The following C8orf89 variants were observed in gnomAD, a reference collection of about 807,000 sequenced individuals.
The protein encoded by C8orf89 is putative uncharacterized protein C8orf89.
C8orf89 carries 14 observed loss-of-function variants against 15.8 expected under a neutral mutation model. The ratio of observed to expected loss-of-function variants is 0.89; its 90% CI spans 0.59 to 1.39. The LOEUF (loss-of-function observed/expected upper bound fraction) is 1.39. C8orf89 is among the 40% of genes most tolerant of loss of function. C8orf89 has a pLI of 0.00. For missense variants in C8orf89, 181 were observed against 184.5 expected (o/e 0.98, Z 0.11); for synonymous variants, 55 against 62.2 (o/e 0.88, Z 0.54).
At chr8:73,271,278 T>TGGTGTTGGGAGGTGAGGCCTAGTGGGA in the C8orf89 span, among the ~76,000 whole-genome samples, 1 of 152,112 alleles carries the variant, frequency 6.6e-6, no homozygotes, top group Non-Finnish European at 1.5e-5. Flanking sequence ...CCCAGTGTGG[T>TGGTGTTGGGAGGTGAGGCCTAGTGGGA]GGTGTTGGGA....
intron 1 of C8orf89, among the ~76,000 whole-genome samples, chr8:73,258,270 G>A (rs746929793): frequency 1.1e-4 from 17 of 151,914 alleles, no homozygotes; most frequent in Admixed American, 2.0e-4. Flanking sequence ...AATCTGCTGC[G>A]CATGGCAGTG....
At chr8:73,256,726 C>CAAAAAAAAA (rs11288188) in intron 2 of C8orf89, among the ~76,000 whole-genome samples, 39 of 43,700 alleles carry the variant, frequency 8.9e-4, no homozygotes, top group African/African-American at 3.1e-3. Flanking sequence ...GACTCTGTCT[C>CAAAAAAAAA]AAAAAAAAAA....
intron 3 of C8orf89, among the ~76,000 whole-genome samples, chr8:73,242,272 A>G (rs1813023860): frequency 6.6e-6 from 1 of 152,176 alleles, no homozygotes; most frequent in Non-Finnish European, 1.5e-5. Context: ...CAACCAGAAT[A>G]TATAAGGAGC....
the C8orf89 span, among the ~76,000 whole-genome samples, chr8:73,283,142 A>C: frequency 6.6e-6 from 1 of 152,234 alleles, no homozygotes; most frequent in Non-Finnish European, 1.5e-5. Flanking sequence ...GATTTCCTTA[A>C]AATATATGCA....
chr8:73,276,334 G>A, the C8orf89 span, among the ~76,000 whole-genome samples: 2 of 151,676 alleles, frequency 1.3e-5, no homozygotes, highest in East Asian at 1.9e-4. Flanking sequence ...ATGCCACCAC[G>A]CCCTGCTAAT....
chr8:73,269,584 C>T, the C8orf89 span, among the ~76,000 whole-genome samples: 86 of 152,280 alleles, frequency 5.6e-4, no homozygotes, highest in Admixed American at 3.1e-3. Context: ...TCTGGGCTGC[C>T]TCAGGATAAA....
chr8:73,258,374 G>A (rs1201357070), intron 1 of C8orf89, among the ~76,000 whole-genome samples: 2 of 129,370 alleles, frequency 1.5e-5, no homozygotes, highest in Non-Finnish European at 3.1e-5. Context: ...TCACACCACT[G>A]CACTCCAGCC....
the C8orf89 span, among the ~76,000 whole-genome samples, chr8:73,277,182 G>T: frequency 6.6e-6 from 1 of 152,074 alleles, no homozygotes; most frequent in Non-Finnish European, 1.5e-5. Context: ...ATTTTTGTCA[G>T]TTGGGGCTAT....
the C8orf89 span, among the ~76,000 whole-genome samples, chr8:73,285,377 T>A: frequency 6.6e-6 from 1 of 152,194 alleles, no homozygotes; most frequent in South Asian, 2.1e-4. Context: ...CCTAGTAGCC[T>A]TCCTCAGGTC....
the C8orf89 span, chr8:73,277,737 G>C: frequency 1.3e-6 from 1 of 745,800 alleles, no homozygotes; most frequent in South Asian, 1.3e-5. Context: ...CACCCAGCTC[G>C]TCCACATGGG....
the C8orf89 span, chr8:73,277,668 A>G: frequency 1.3e-6 from 1 of 756,350 alleles, no homozygotes; most frequent in Non-Finnish European, 2.5e-6. Flanking sequence ...TTTTAAAATA[A>G]GGCTGGAAAT....
upstream of C8orf89, among the ~76,000 whole-genome samples, chr8:73,263,654 T>A (rs1428987790): frequency 6.6e-6 from 1 of 152,192 alleles, no homozygotes; most frequent in Non-Finnish European, 1.5e-5. Flanking sequence ...CTTAGCAAAA[T>A]GTATTGAACA....
chr8:73,257,989 A>G (rs1027637289), intron 1 of C8orf89, among the ~76,000 whole-genome samples: 3 of 152,202 alleles, frequency 2.0e-5, no homozygotes, highest in Non-Finnish European at 4.4e-5. Context: ...TTTGGGGGGT[A>G]GAAGGGTGGA....
At chr8:73,260,465 G>A (rs1005563199), upstream of C8orf89, among the ~76,000 whole-genome samples, 45 of 152,052 alleles carry the variant, frequency 3.0e-4, no homozygotes, top group African/African-American at 8.2e-4. Flanking sequence ...CAGCACACCA[G>A]CATGGCACAT....
intron 2 of C8orf89, among the ~76,000 whole-genome samples, chr8:73,254,990 T>C (rs1202997836): frequency 6.6e-6 from 1 of 152,118 alleles, no homozygotes; most frequent in Non-Finnish European, 1.5e-5. Context: ...AAGACTTAAA[T>C]GTTAGACCTA....
chr8:73,246,137 G>A (rs1357961736), intron 3 of C8orf89, among the ~76,000 whole-genome samples: 1 of 152,186 alleles, frequency 6.6e-6, no homozygotes, highest in African/African-American at 2.4e-5. Flanking sequence ...TCTAAATTGG[G>A]TGTATTTCAG....
Position 73,259,355 on chromosome 8 carries a change from A to G in C8orf89, c.104T>C (p.Leu35Ser), listed in dbSNP as rs772211935. ...IFESSWKKAV[L>S]ETQKIKKEYT... ...ACCTTTCTTAATCTTTTGTGTTTCTAAAACTGCTTTCTTCCAACTACTCTC... is the reference window on the plus strand; with the variant it reads ...ACCTTTCTTAATCTTTTGTGTTTCTGAAACTGCTTTCTTCCAACTACTCTC... Residue 35 changes from leucine (L) to serine (S), a missense_variant, in exon 1 of 4, where the codon TTA becomes TCA. Coordinates refer to ENST00000624510, the MANE Select transcript of C8orf89 (RefSeq NM_001243237.3). 5 of 1,515,398 alleles carry G rather than the reference A, an allele frequency of 3.3e-6. No individual in the cohort carries two copies. In the South Asian group the frequency reaches 4.8e-5, roughly 15 times the overall value. 93.9% of individuals were successfully genotyped at this position (1,515,398 alleles called of 1,614,324 possible).
intron 3 of C8orf89, among the ~76,000 whole-genome samples, chr8:73,249,738 T>A (rs1433535371): frequency 6.6e-6 from 1 of 152,176 alleles, no homozygotes; most frequent in African/African-American, 2.4e-5. Flanking sequence ...GACTTAAAAG[T>A]AGTTTTTTGG....
intron 1 of C8orf89, among the ~76,000 whole-genome samples, chr8:73,258,128 T>C (rs771567726): frequency 6.6e-6 from 1 of 152,194 alleles, no homozygotes; most frequent in Non-Finnish European, 1.5e-5. Context: ...TCAAGAATTA[T>C]TGGCTGGGCG....
Sources: allele counts gnomAD v4.1 joint callset (sites outside exome capture counted in the v4.1 genomes callset), GRCh38; gene constraint gnomAD v4.1.1; transcripts MANE v1.5; gene names NCBI Gene and HGNC (gene_info 2026-07-23, HGNC 2026-07-21).